Variants in ELAVL3 observed in about 807,000 individuals in gnomAD.
The protein encoded by ELAVL3 is ELAV-like protein 3.
A neutral mutation model predicts 34.2 loss-of-function variants in ELAVL3; 8 were observed. That is an observed-to-expected ratio of 0.23 (90% confidence interval 0.14 to 0.42). ELAVL3 has a LOEUF of 0.42. ELAVL3 is among the 10% of genes least tolerant of loss of function. The pLI is 1.00. For synonymous variants in ELAVL3, 209 were observed against 222.1 expected (o/e 0.94, Z 0.53); for missense variants, 273 against 518.8 (o/e 0.53, Z 4.60).
In ELAVL3 at chr19:11,474,600, C is replaced by CAA. The variant is rs35373148; in HGVS notation, c.9+5998_9+5999dup. On this transcript the variant is annotated intron_variant, in intron 1 of 6. Transcript: ENST00000359227. ...TGGGTGACAGAGTGAGACTCCGTCTCAAAAAAAAAAAGAATTCAGTTGTGA... is the reference window on the plus strand; with the variant it reads ...TGGGTGACAGAGTGAGACTCCGTCTCAAAAAAAAAAAAAGAATTCAGTTGTGA... Among the ~76,000 whole-genome samples the CAA allele has an allele frequency of 6.3e-5, 9 of 142,446 alleles. No individual in the cohort carries two copies. The Middle Eastern group carries it at 0.011, about 167-fold the overall frequency. The allele number at this position is 142,446 out of a possible 152,430, so 93.5% of individuals were successfully genotyped here.
intron 1 of ELAVL3, among the ~76,000 whole-genome samples, chr19:11,477,015 G>A (rs1286110433): frequency 6.6e-6 from 1 of 152,110 alleles, no homozygotes; most frequent in East Asian, 1.9e-4. Flanking sequence ...AATAATAACA[G>A]CAAAGCGAAG....
At chr19:11,474,903 C>T (rs917512204) in intron 1 of ELAVL3, among the ~76,000 whole-genome samples, 2 of 152,176 alleles carry the variant, frequency 1.3e-5, no homozygotes, top group African/African-American at 4.8e-5. Flanking sequence ...GATCTCAGCT[C>T]ACTGCAACTC....
rs149490121 is a variant in ELAVL3 at position 11,474,457 on chromosome 19, C to T, written c.9+6143G>A. 2.6e-3 allele frequency among the ~76,000 whole-genome samples: 397 copies of T among 152,184 alleles called. 2 individuals carry two copies. Among genetic ancestry groups the T allele is most frequent in the African/African-American group, 9.2e-3 (383 of 41,546 alleles). On this transcript the variant is annotated intron_variant, in intron 1 of 6. Coordinates refer to ENST00000359227, the MANE Select transcript of ELAVL3 (RefSeq NM_001420.4). ...TAAAAATACAAAAAAATTAGCCAGG[C>T]GTAGTGGTGGGTGCCTCTAATTCCA...
chr19:11,471,947 T>C (rs973172512), intron 1 of ELAVL3, among the ~76,000 whole-genome samples: 1 of 152,204 alleles, frequency 6.6e-6, no homozygotes, highest in Non-Finnish European at 1.5e-5. Flanking sequence ...AGTGCTGGGA[T>C]TTGACTGACC....
intron 3 of ELAVL3, among the ~76,000 whole-genome samples, chr19:11,462,124 G>A (rs1261584116): frequency 2.8e-5 from 4 of 143,864 alleles, no homozygotes; most frequent in South Asian, 2.2e-4. Flanking sequence ...GCAGTGAGCC[G>A]AGATCGCGCC....
chr19:11,466,115 T>C lies in ELAVL3; in HGVS notation c.333+57A>G. On this transcript the variant is annotated intron_variant, in intron 3 of 6. Coordinates refer to ENST00000359227, the MANE Select transcript of ELAVL3 (RefSeq NM_001420.4). This position sits in a 1 kb window ranked among gnomAD's most constrained non-coding sequence, Gnocchi z 5.0. ...GGGGCGGGTAGGTGGCAGTAGGGGG[T>C]TGGGGACAGTCAGTTGGGGTGGGCG... The C allele has an allele frequency of 1.3e-6, 2 of 1,515,006 alleles. No homozygotes were observed. Among genetic ancestry groups the C allele is most frequent in the Non-Finnish European group, 9.1e-7 (1 of 1,093,436 alleles). The allele number at this position is 1,515,006 out of a possible 1,614,324, so 93.8% of individuals were successfully genotyped here. A position where few individuals can be genotyped will look rare whatever the true frequency, so the allele number is the denominator to read the frequency against.
rs1970728844 is a variant in ELAVL3, at chr19:11,454,678, C to A, written c.952G>T (p.Asp318Tyr). Residue 318 changes from aspartate to tyrosine, a missense_variant, in exon 7 of 7, where the codon GAT becomes TAT. Asp to Tyr is a radical substitution (Grantham distance 160). Coordinates refer to ENST00000359227, the MANE Select transcript of ELAVL3 (RefSeq NM_001420.4). This position sits in a 1 kb window ranked among gnomAD's most constrained non-coding sequence, Gnocchi z 9.2. ...GAVTNVKVIRDFTTNKCKGFG... is the reference protein window; with the variant it reads ...GAVTNVKVIRYFTTNKCKGFG... ...CCCTTGCACTTGTTGGTGGTGAAAT[C>A]ACGGATGACCTTGACGTTGGTGACT... 6.2e-7 allele frequency: 1 copy of A among 1,614,102 alleles called. No individual in the cohort carries two copies. The highest frequency in any genetic ancestry group is 8.5e-7 in the Non-Finnish European group (1 of 1,180,032).
chr19:11,460,803 G>A (rs546215697), intron 3 of ELAVL3, among the ~76,000 whole-genome samples: 41 of 152,074 alleles, frequency 2.7e-4, no homozygotes, highest in Middle Eastern at 3.4e-3. Context: ...ACTGTTATCT[G>A]AATCACATTA....
At position 11,461,949 on chromosome 19, in the gene ELAVL3, G is replaced by T. The variant is rs1216204284; in HGVS notation, c.334-3338C>A. On this transcript the variant is annotated intron_variant, in intron 3 of 6. Coordinates refer to ENST00000359227, the MANE Select transcript of ELAVL3 (RefSeq NM_001420.4). ...CCAGCATTTTGCGAGGCTGAGGCAG[G>T]CGGATCACAAGGTCAGGAGATCAAG... is the stretch of plus-strand genomic sequence containing the variant. 2.0e-5 allele frequency among the ~76,000 whole-genome samples: 3 copies of T among 152,282 alleles called. No homozygotes were observed. The East Asian group carries it at 5.8e-4, about 29-fold the overall frequency.
chr19:11,465,548 G>T (rs1260199883), intron 3 of ELAVL3, among the ~76,000 whole-genome samples: 2 of 143,952 alleles, frequency 1.4e-5, no homozygotes, highest in African/African-American at 5.2e-5. Context: ...AGAGATTCCT[G>T]CACCTCTGTT....
At chr19:11,459,070 C>T (rs930385800) in intron 3 of ELAVL3, among the ~76,000 whole-genome samples, 10 of 152,074 alleles carry the variant, frequency 6.6e-5, no homozygotes, top group African/African-American at 2.4e-4. Flanking sequence ...GCCTAAGCCC[C>T]GCAAGTAGCT....
At chr19:11,461,207 T>C (rs1253772906) in intron 3 of ELAVL3, among the ~76,000 whole-genome samples, 2 of 151,648 alleles carry the variant, frequency 1.3e-5, no homozygotes, top group East Asian at 3.9e-4. Flanking sequence ...AAGATGGACA[T>C]ATATATTTAT....
intron 1 of ELAVL3, among the ~76,000 whole-genome samples, chr19:11,468,330 T>C (rs946548059): frequency 1.3e-5 from 2 of 152,244 alleles, no homozygotes; most frequent in African/African-American, 2.4e-5. Context: ...ACAATTTTAT[T>C]TTTTCATCTT....
intron 6 of ELAVL3, among the ~76,000 whole-genome samples, 166 bp downstream of exon 6, chr19:11,456,944 C>T (rs1230393318): frequency 2.0e-5 from 3 of 152,130 alleles, no homozygotes; most frequent in East Asian, 1.9e-4. Flanking sequence ...GGAGCACAGG[C>T]GAGAACCACC....
Position 11,455,875 on chromosome 19 carries a change from A to G in ELAVL3, c.753-998T>C, listed in dbSNP as rs546754660. On this transcript the variant is annotated intron_variant, in intron 6 of 6. Transcript: ENST00000359227. ...AAAGGACAGAATTGGCTCCACTCAC[A>G]TTCCTCACTGGCAATCCCGCCCTTG... Among the ~76,000 whole-genome samples, 4 of 152,314 alleles carry G rather than the reference A, an allele frequency of 2.6e-5. No homozygotes were observed. In the South Asian group the frequency reaches 8.3e-4, roughly 32 times the overall value.
At chr19:11,465,020 TACACACACC>T (rs1971005159) in intron 3 of ELAVL3, among the ~76,000 whole-genome samples, 2 of 49,682 alleles carry the variant, frequency 4.0e-5, no homozygotes, top group Non-Finnish European at 4.0e-5. Context: ...TACATACACA[TACACACACC>T]ACACACACAC....
chr19:11,464,665 TACAC>T (rs1164775565), intron 3 of ELAVL3, among the ~76,000 whole-genome samples: 5 of 47,642 alleles, frequency 1.0e-4, no homozygotes, highest in Admixed American at 5.7e-4. Context: ...GACACACACA[TACAC>T]ACATCACACA....
Position 11,458,760 on chromosome 19 carries a change from G to C in ELAVL3, c.334-149C>G. The C allele has an allele frequency of 6.5e-6, 7 of 1,081,420 alleles. No homozygotes were observed. The highest frequency in any genetic ancestry group is 9.2e-6 in the Non-Finnish European group (7 of 757,700). 67.0% of individuals were successfully genotyped at this position (1,081,420 alleles called of 1,614,324 possible). A position where few individuals can be genotyped will look rare whatever the true frequency, so the allele number is the denominator to read the frequency against. On this transcript the variant is annotated intron_variant, in intron 3 of 6. Coordinates refer to ENST00000359227, the MANE Select transcript of ELAVL3 (RefSeq NM_001420.4). This position sits in a 1 kb window ranked among gnomAD's most constrained non-coding sequence, Gnocchi z 7.3. ...TCTCTAGAGTTGTCACCGTGGGGTG[G>C]GGCTGAGTCAGATATGGGAGAGGGG...
Position 11,480,595 on chromosome 19 carries a change from C to A in ELAVL3, c.9+5G>T. ...ATTCCCTTTCGGCGACAGGGGAATA[C>A]CTACAGTGACCATTCTTGTGTGCCC... is the stretch of plus-strand genomic sequence containing the variant. On this transcript the variant is annotated splice_donor_5th_base_variant and intron_variant, in intron 1 of 6. Coordinates refer to ENST00000359227, the MANE Select transcript of ELAVL3 (RefSeq NM_001420.4). This position sits in a 1 kb window ranked among gnomAD's most constrained non-coding sequence, Gnocchi z 6.8. 6.7e-7 allele frequency: 1 copy of A among 1,488,978 alleles called. No individual in the cohort carries two copies. The highest frequency in any genetic ancestry group is 1.4e-5 in the South Asian group (1 of 73,614). 92.2% of individuals were successfully genotyped at this position (1,488,978 alleles called of 1,614,324 possible). A position where few individuals can be genotyped will look rare whatever the true frequency, so the allele number is the denominator to read the frequency against.
Sources: gnomAD v4.1 joint callset for allele counts (sites outside exome capture counted in the v4.1 genomes callset) on GRCh38, gnomAD v4.1.1 for gene constraint, Gnocchi (gnomAD v3.1) non-coding constraint, MANE v1.5 for transcripts, NCBI Gene and HGNC (gene_info 2026-07-23, HGNC 2026-07-21) for gene names.